Variants in ANGPTL6 observed in about 807,000 individuals in gnomAD.
ANGPTL6 encodes the protein angiopoietin-related protein 6.
In ANGPTL6, 45 loss-of-function variants were observed where a neutral mutation model predicts 47.4. The observed-to-expected ratio is 0.95, with a 90% CI of 0.75 to 1.22. The LOEUF (loss-of-function observed/expected upper bound fraction) is 1.22. Ranked by LOEUF, ANGPTL6 falls within the 50% of genes most tolerant of loss-of-function variation. The pLI is 0.00. For synonymous variants in ANGPTL6, 290 were observed against 295.9 expected, an observed-to-expected ratio of 0.98 and a Z score of 0.20; for missense variants, 698 against 669.4, an observed-to-expected ratio of 1.04 and a Z score of -0.47.
chr19:10,092,786 GGAGA>G lies in ANGPTL6; in HGVS notation c.1223-11_1223-8del, dbSNP rs759925335. 25 of 1,587,352 alleles carry G rather than the reference GGAGA, an allele frequency of 1.6e-5. No individual in the cohort carries two copies. The Admixed American group carries it at 3.1e-4, about 20-fold the overall frequency. On this transcript the variant is annotated splice_polypyrimidine_tract_variant and splice_region_variant and intron_variant, in intron 5 of 5. Transcript: ENST00000253109. ...TGGTACAGGGCACAGTTACCTGAGG[GGAGA>G]GAGAGAGTCCATGTCCTCTCACCAG...
chr19:10,099,464 C>A (rs2088625981), intron 1 of ANGPTL6, among the ~76,000 whole-genome samples: 1 of 150,926 alleles, frequency 6.6e-6, no homozygotes, highest in Non-Finnish European at 1.5e-5. Flanking sequence ...GTAGTCCCAG[C>A]TACTCGGGAG....
At position 10,096,143 on chromosome 19, in the gene ANGPTL6, C is replaced by G. The variant is rs1277249858; in HGVS notation, c.421G>C (p.Glu141Gln). ...EPAAALALLG[E>Q]RVLNASAEAQ... is the part of the protein sequence containing the mutation. Reference sequence around the variant, plus strand: ...TCGGCGGACGCGTTGAGCACGCGCTCCCCGAGCAGCGCCAGCGCCGCGGCA... The same window carrying G: ...TCGGCGGACGCGTTGAGCACGCGCTGCCCGAGCAGCGCCAGCGCCGCGGCA... Residue 141 changes from glutamate to glutamine, a missense_variant, in exon 2 of 6, where the codon GAG (glutamate) becomes CAG (glutamine). Glu to Gln is a conservative substitution (Grantham distance 29). Transcript: ENST00000253109. 11 of 1,378,974 alleles carry G rather than the reference C, an allele frequency of 8.0e-6. No homozygotes were observed. The highest frequency in any genetic ancestry group is 1.0e-5 in the Non-Finnish European group (11 of 1,065,486). The allele number at this position is 1,378,974 out of a possible 1,614,324, so 85.4% of individuals were successfully genotyped here. A position where few individuals can be genotyped will look rare whatever the true frequency, so the allele number is the denominator to read the frequency against.
chr19:10,098,953 C>A (rs188740244), intron 1 of ANGPTL6, among the ~76,000 whole-genome samples: 1 of 152,154 alleles, frequency 6.6e-6, no homozygotes, highest in Non-Finnish European at 1.5e-5. Flanking sequence ...GACCAAAACC[C>A]CAGCAGATCC....
At chr19:10,098,613 T>C (rs1321046324) in intron 1 of ANGPTL6, among the ~76,000 whole-genome samples, 1 of 151,700 alleles carries the variant, frequency 6.6e-6, no homozygotes, top group Admixed American at 6.6e-5. Context: ...TCACCTGAGG[T>C]CAGGAATTCG....
chr19:10,096,541 G>A lies in ANGPTL6; in HGVS notation c.23C>T (p.Ala8Val), dbSNP rs1180583109. Residue 8 changes from alanine (A) to valine (V), a missense_variant, in exon 2 of 6, where the codon GCG (alanine) becomes GTG (valine). Coordinates refer to ENST00000253109, the MANE Select transcript of ANGPTL6 (RefSeq NM_031917.3). Reference sequence around the variant, plus strand: ...GCCCAGCAGGAGCAGCAGCTGTAGCGCACGCAGCCAGGGCTTCCCCATCGC... The same window carrying A: ...GCCCAGCAGGAGCAGCAGCTGTAGCACACGCAGCCAGGGCTTCCCCATCGC... Reference protein sequence around the residue: MGKPWLRALQLLLLLGAS... With the variant: MGKPWLRVLQLLLLLGAS... The A allele has an allele frequency of 6.6e-7, 1 of 1,513,758 alleles. No homozygotes were observed. The highest frequency in any genetic ancestry group is 2.1e-5 in the Admixed American group (1 of 48,386). The allele number at this position is 1,513,758 out of a possible 1,614,324, so 93.8% of individuals were successfully genotyped here.
At chr19:10,093,255 G>A in intron 5 of ANGPTL6, 94 bp downstream of exon 5, 3 of 1,461,476 alleles carry the variant, frequency 2.1e-6, no homozygotes, top group Admixed American at 2.1e-5. Flanking sequence ...ACTTACCAGA[G>A]GGGCGTCTTA....
chr19:10,096,339 CA>C lies in ANGPTL6; in HGVS notation c.224del (p.Leu75ArgfsTer29), dbSNP rs1599287069. 2.3e-6 allele frequency: 3 copies of C among 1,288,440 alleles called. No homozygotes were observed. Among genetic ancestry groups the C allele is most frequent in the Non-Finnish European group, 2.9e-6 (3 of 1,022,898 alleles). The allele number at this position is 1,288,440 out of a possible 1,614,324, so 79.8% of individuals were successfully genotyped here. A position where few individuals can be genotyped will look rare whatever the true frequency, so the allele number is the denominator to read the frequency against. On this transcript the variant is annotated frameshift_variant, in exon 2 of 6. Transcript: ENST00000253109. LOFTEE classifies it high-confidence loss of function. Reference sequence around the variant, plus strand: ...CCGCCAGCCTCTGCAGCTCGCGTAACAGCTCCTCGTGGCGGCCGACGCGCAT... The same window carrying C: ...CCGCCAGCCTCTGCAGCTCGCGTAACGCTCCTCGTGGCGGCCGACGCGCAT... ...LRMRVGRHEE[L>X]LRELQRLAAA... is the part of the protein sequence containing the mutation.
chr19:10,105,645 G>T (rs1312987519), upstream of ANGPTL6, among the ~76,000 whole-genome samples: 2 of 151,772 alleles, frequency 1.3e-5, no homozygotes, highest in East Asian at 3.9e-4. Context: ...TGGGGGAGAG[G>T]AGGAAGAATT....
rs904760086 is a variant in ANGPTL6 at position 10,094,922 on chromosome 19, G to T, written c.599C>A (p.Pro200Gln). ...GGQQQVLPPPPLVPVVPVRLV... is the reference protein window; with the variant it reads ...GGQQQVLPPPQLVPVVPVRLV... ...ACGGACCGGAACCACAGGCACCAGT[G>T]GGGGTGGCGGCAGGACCTGGGGTGA... The change falls in exon 3 of 6, where the codon CCA becomes CAA. Residue 200 changes from proline to glutamine, a missense_variant. By Grantham distance (76) the Pro-to-Gln change is moderately conservative. Transcript: ENST00000253109. 2 of 1,610,236 alleles carry T rather than the reference G, an allele frequency of 1.2e-6. No homozygotes were observed. Among genetic ancestry groups the T allele is most frequent in the East Asian group, 2.2e-5 (1 of 44,808 alleles).
chr19:10,105,107 C>T (rs1205764632), upstream of ANGPTL6, among the ~76,000 whole-genome samples: 1 of 152,222 alleles, frequency 6.6e-6, no homozygotes, highest in Non-Finnish European at 1.5e-5. Flanking sequence ...TCACCTCCTT[C>T]CCCTGGTCTG....
rs1208313148 is a variant in ANGPTL6 at position 10,093,442 on chromosome 19, G to GCCGCAGGCGGT, written c.1118_1128dup (p.Leu377ThrfsTer96). The stretch of plus-strand genomic sequence containing the variant: ...CCAGCATCACCATGGTACTGGCCAA[G>GCCGCAGGCGGT]CCGCAGGCGGTAGTGGTCGCTCTCG... On this transcript the variant is annotated frameshift_variant, in exon 5 of 6. Transcript: ENST00000253109. LOFTEE classifies it high-confidence loss of function. 1 of 1,614,208 alleles carries GCCGCAGGCGGT rather than the reference G, an allele frequency of 6.2e-7. No homozygotes were observed. The highest frequency in any genetic ancestry group is 1.7e-5 in the Admixed American group (1 of 60,016).
In ANGPTL6 at chr19:10,096,394, G is replaced by C. The variant is rs1287792150; in HGVS notation, c.170C>G (p.Ala57Gly). 7.7e-7 allele frequency: 1 copy of C among 1,304,864 alleles called. No homozygotes were observed. The highest frequency in any genetic ancestry group is 2.3e-5 in the South Asian group (1 of 44,146). 80.8% of individuals were successfully genotyped at this position (1,304,864 alleles called of 1,614,324 possible). A position where few individuals can be genotyped will look rare whatever the true frequency, so the allele number is the denominator to read the frequency against. The change falls in exon 2 of 6, where the codon GCC becomes GGC. Residue 57 changes from alanine (A) to glycine (G), a missense_variant. By Grantham distance (60) the Ala-to-Gly change is moderately conservative. Coordinates refer to ENST00000253109, the MANE Select transcript of ANGPTL6 (RefSeq NM_031917.3). The stretch of plus-strand genomic sequence containing the variant: ...CAGCGCCGCCAGCTCGCTGGCGTTG[G>C]CGGCCTCGGGCGTCGCCCGCGTGGA... ...PASTRATPEA[A>G]NASELAALRM...
At chr19:10,103,842 C>T (rs542374917), upstream of ANGPTL6, among the ~76,000 whole-genome samples, 6 of 150,332 alleles carry the variant, frequency 4.0e-5, no homozygotes, top group Non-Finnish European at 8.9e-5. Flanking sequence ...CGCCTGTAAT[C>T]CCAGCACTTT....
chr19:10,100,742 C>A (rs1265328240), intron 1 of ANGPTL6, among the ~76,000 whole-genome samples: 1 of 152,152 alleles, frequency 6.6e-6, no homozygotes, highest in Non-Finnish European at 1.5e-5. Context: ...GTTGGGAGAA[C>A]AGAGAAATAA....
At chr19:10,096,609 G>GC (rs2080807265) in intron 1 of ANGPTL6, 36 bp from the exon 2 acceptor site, 1 of 1,433,680 alleles carries the variant, frequency 7.0e-7, no homozygotes, top group Non-Finnish European at 9.1e-7. Flanking sequence ...AAGACGGGGT[G>GC]CTGGGGCCCA....
At chr19:10,105,161 G>A (rs978517300), upstream of ANGPTL6, among the ~76,000 whole-genome samples, 4 of 152,218 alleles carry the variant, frequency 2.6e-5, no homozygotes, top group Admixed American at 2.6e-4. Context: ...CTCCAGGGTT[G>A]AAAAAGGAAA....
rs188065480 is a variant in ANGPTL6 at position 10,101,192 on chromosome 19, G to C, written c.-11+1376C>G. On this transcript the variant is annotated intron_variant, in intron 1 of 5. Transcript: ENST00000253109. ...CCACTGCACTCCAGCCTGGGCAATA[G>C]AGCGAGACTCTGTCTCAAAAAAAAA... Among the ~76,000 whole-genome samples the C allele has an allele frequency of 2.0e-3, 305 of 151,664 alleles. 2 individuals carry two copies. Among genetic ancestry groups the C allele is most frequent in the Admixed American group, 3.5e-3 (53 of 15,194 alleles).
In ANGPTL6 at chr19:10,096,014, G is replaced by T; in HGVS notation, c.550C>A (p.Leu184Met). ...TGCCCGCCCGCGCCTCCCGGGCACA[G>T]GCGCTCCAGGCGGGCGATGAGACTG... is the stretch of plus-strand genomic sequence containing the variant. ...QSSLIARLER[L>M]CPGGAGGQQQ... Residue 184 changes from leucine to methionine, a missense_variant, in exon 2 of 6, where the codon CTG (leucine) becomes ATG (methionine). Leu to Met is a conservative substitution (Grantham distance 15). Transcript: ENST00000253109. 2.9e-6 allele frequency: 4 copies of T among 1,364,654 alleles called. No homozygotes were observed. Among genetic ancestry groups the T allele is most frequent in the Non-Finnish European group, 3.8e-6 (4 of 1,053,808 alleles). The allele number at this position is 1,364,654 out of a possible 1,614,324, so 84.5% of individuals were successfully genotyped here.
At chr19:10,099,149 T>C (rs2088616064) in intron 1 of ANGPTL6, among the ~76,000 whole-genome samples, 1 of 152,122 alleles carries the variant, frequency 6.6e-6, no homozygotes, top group Non-Finnish European at 1.5e-5. Context: ...CAACCCCAGG[T>C]CTAGTCTCTC....
Sources: gnomAD v4.1 joint callset for allele counts (sites outside exome capture counted in the v4.1 genomes callset) on GRCh38, gnomAD v4.1.1 for gene constraint, MANE v1.5 for transcripts, NCBI Gene and HGNC (gene_info 2026-07-23, HGNC 2026-07-21) for gene names.